Variants in CYP2J2 observed in about 807,000 individuals in gnomAD.
The protein encoded by CYP2J2 is cytochrome P450 family 2 subfamily J member 2.
Under a neutral mutation model 48.8 loss-of-function variants are expected in CYP2J2, and 41 were observed. The ratio of observed to expected loss-of-function variants is 0.84; its 90% CI spans 0.66 to 1.09. The LOEUF is 1.09. Ranked by LOEUF, CYP2J2 falls within the 50% of genes least tolerant of loss-of-function variation. The pLI is 0.00. For synonymous variants in CYP2J2, 221 were observed against 227.1 expected (o/e 0.97, Z 0.24); for missense variants, 644 against 617.3 (o/e 1.04, Z -0.46).
chr1:59,910,836 G>A (rs192517196), intron 4 of CYP2J2, among the ~76,000 whole-genome samples: 51 of 152,202 alleles, frequency 3.4e-4, no homozygotes, highest in African/African-American at 1.2e-3. Context: ...CAGAGTTTTT[G>A]ACAAAGACTC....
In CYP2J2 at chr1:59,911,612, C is replaced by T. The variant is rs770325370; in HGVS notation, c.680G>A (p.Cys227Tyr). ...EVTYLEASKT[C>Y]QLYNVFPWIM... Reference sequence around the variant, plus strand: ...ATGGAGAGACAGCTGCCTTACCTGGCATGTCTTTGAAGCCTCCAAGTATGT... The same window carrying T: ...ATGGAGAGACAGCTGCCTTACCTGGTATGTCTTTGAAGCCTCCAAGTATGT... The change falls in exon 4 of 9, where the codon TGC becomes TAC. Residue 227 changes from cysteine to tyrosine, a missense_variant. Transcript: ENST00000371204. 11 of 1,602,218 alleles carry T rather than the reference C, an allele frequency of 6.9e-6. No individual in the cohort carries two copies. The South Asian group carries it at 1.2e-4, about 18-fold the overall frequency.
At chr1:59,911,364 C>T (rs112833040) in intron 4 of CYP2J2, among the ~76,000 whole-genome samples, 3 of 151,944 alleles carry the variant, frequency 2.0e-5, no homozygotes, top group African/African-American at 7.2e-5. Context: ...GGTGGATAGG[C>T]GTATGTCATA....
the CYP2J2 span, among the ~76,000 whole-genome samples, chr1:59,942,550 G>T: frequency 6.6e-6 from 1 of 152,012 alleles, no homozygotes; most frequent in Non-Finnish European, 1.5e-5. Flanking sequence ...TTTTAAGTTT[G>T]ATTAGAAGCC....
intron 7 of CYP2J2, among the ~76,000 whole-genome samples, chr1:59,901,856 A>G (rs577672918): frequency 4.6e-5 from 7 of 151,462 alleles, no homozygotes; most frequent in Non-Finnish European, 8.8e-5. Context: ...TCTGCTTCAC[A>G]CTCTGGAAGA....
upstream of CYP2J2, among the ~76,000 whole-genome samples, chr1:59,931,543 T>C (rs867917581): frequency 4.6e-5 from 7 of 152,136 alleles, no homozygotes; most frequent in Admixed American, 2.0e-4. Context: ...ACATATTGTC[T>C]TAGTATTACT....
At chr1:59,969,107 C>T in the CYP2J2 span, among the ~76,000 whole-genome samples, 3 of 152,178 alleles carry the variant, frequency 2.0e-5, no homozygotes, top group Non-Finnish European at 2.9e-5. Context: ...CGCGGTGTTA[C>T]AGCTCATAAA....
chr1:59,937,498 T>C, the CYP2J2 span, among the ~76,000 whole-genome samples: 2 of 152,180 alleles, frequency 1.3e-5, no homozygotes, highest in South Asian at 4.1e-4. Flanking sequence ...GCCAAGCTCA[T>C]TGGGAACTAA....
At chr1:59,936,885 G>A in the CYP2J2 span, among the ~76,000 whole-genome samples, 1 of 152,146 alleles carries the variant, frequency 6.6e-6, no homozygotes, top group Non-Finnish European at 1.5e-5. Flanking sequence ...CAGTTATTAT[G>A]GGCACATATC....
At chr1:59,913,442 T>C (rs1277850923) in intron 2 of CYP2J2, among the ~76,000 whole-genome samples, 1 of 152,208 alleles carries the variant, frequency 6.6e-6, no homozygotes, top group Non-Finnish European at 1.5e-5. Context: ...TAAAGGTATT[T>C]TGAATTCGGC....
chr1:59,958,905 T>C, the CYP2J2 span, among the ~76,000 whole-genome samples: 2 of 152,206 alleles, frequency 1.3e-5, no homozygotes, highest in Admixed American at 6.5e-5. Context: ...TCTTCTAAAC[T>C]TCATTCCTTG....
chr1:59,896,866 C>T (rs1440857347), intron 8 of CYP2J2, among the ~76,000 whole-genome samples: 4 of 152,252 alleles, frequency 2.6e-5, no homozygotes, highest in Non-Finnish European at 5.9e-5. Flanking sequence ...CATATTTCCT[C>T]ATTGTCCTTG....
the CYP2J2 span, among the ~76,000 whole-genome samples, chr1:59,967,556 G>A: frequency 6.6e-6 from 1 of 152,180 alleles, no homozygotes; most frequent in Non-Finnish European, 1.5e-5. Context: ...TCTGCCTTCT[G>A]CAGACCAGAC....
At chr1:59,914,014 T>C (rs1489003945) in intron 2 of CYP2J2, among the ~76,000 whole-genome samples, 1 of 152,194 alleles carries the variant, frequency 6.6e-6, no homozygotes, top group Non-Finnish European at 1.5e-5. Context: ...TTCCCTGTCC[T>C]TTTCATTTCA....
the CYP2J2 span, among the ~76,000 whole-genome samples, chr1:59,945,146 G>T: frequency 1.3e-5 from 2 of 151,980 alleles, no homozygotes; most frequent in Non-Finnish European, 2.9e-5. Context: ...TAAGAAAATG[G>T]TTAAAAAAAT....
chr1:59,924,550 T>C lies in CYP2J2; in HGVS notation c.210+1987A>G, dbSNP rs553013190. ...TAAAGGAACCTAAATGGTTGCAAGA[T>C]ATCTATATTTCACTTGAGGTAGTAA... On this transcript the variant is annotated intron_variant, in intron 1 of 8. Transcript: ENST00000371204. 1.2e-4 allele frequency among the ~76,000 whole-genome samples: 18 copies of C among 152,256 alleles called. 1 individual carries two copies. In the South Asian group the frequency reaches 3.7e-3, roughly 32 times the overall value.
chr1:59,930,227 T>G (rs1250071785), upstream of CYP2J2, among the ~76,000 whole-genome samples: 1 of 152,182 alleles, frequency 6.6e-6, no homozygotes, highest in African/African-American at 2.4e-5. Flanking sequence ...TGTGTAAATA[T>G]CTCTGAGATT....
At chr1:59,949,727 T>C in the CYP2J2 span, among the ~76,000 whole-genome samples, 1 of 148,174 alleles carries the variant, frequency 6.7e-6, no homozygotes, top group Non-Finnish European at 1.5e-5. Flanking sequence ...TTAGAACAAG[T>C]GCAAGATTTT....
At chr1:59,944,490 C>T in the CYP2J2 span, among the ~76,000 whole-genome samples, 7 of 152,264 alleles carry the variant, frequency 4.6e-5, no homozygotes, top group South Asian at 2.1e-4. Context: ...CCCAAATTAC[C>T]GGGATTACAA....
In CYP2J2 at chr1:59,893,480, G is replaced by T. The variant is rs904683585; in HGVS notation, c.*171C>A. 1 of 500,810 alleles carries T rather than the reference G, an allele frequency of 2.0e-6. No individual in the cohort carries two copies. Among genetic ancestry groups the T allele is most frequent in the Admixed American group, 3.1e-5 (1 of 32,278 alleles). 31.0% of individuals were successfully genotyped at this position (500,810 alleles called of 1,614,324 possible). On this transcript the variant is annotated 3_prime_UTR_variant, in exon 9 of 9. Coordinates refer to ENST00000371204, the MANE Select transcript of CYP2J2 (RefSeq NM_000775.4). ...TAAATGATTTTCCCAAGGCTAATTC[G>T]GACGAGACAGTAGAGCTGGGATTTG... is the stretch of plus-strand genomic sequence containing the variant.
Sources: allele counts gnomAD v4.1 joint callset (sites outside exome capture counted in the v4.1 genomes callset), GRCh38; gene constraint gnomAD v4.1.1; transcripts MANE v1.5; gene names NCBI Gene and HGNC (gene_info 2026-07-23, HGNC 2026-07-21).